Variants in RECK observed in about 807,000 individuals in gnomAD.
RECK encodes reversion-inducing cysteine-rich protein with Kazal motifs.
RECK carries 69 observed loss-of-function variants against 115.1 expected under a neutral mutation model. The ratio of observed to expected loss-of-function variants is 0.60; its 90% CI spans 0.49 to 0.73. The LOEUF (loss-of-function observed/expected upper bound fraction) is 0.73, where lower values mean the gene tolerates loss of function less well. Among genes scored for constraint, RECK ranks in the 30% least tolerant of loss-of-function variants. The pLI, the probability that RECK is intolerant of heterozygous loss-of-function variation, is 0.00. For synonymous variants in RECK, 414 were observed against 419.7 expected, an observed-to-expected ratio of 0.99 and a Z score of 0.17; for missense variants, 1,047 against 1,203.7, an observed-to-expected ratio of 0.87 and a Z score of 1.93.
At chr9:36,101,576 G>A (rs1823567713) in intron 11 of RECK, among the ~76,000 whole-genome samples, 2 of 152,106 alleles carry the variant, frequency 1.3e-5, no homozygotes, top group South Asian at 4.1e-4. Context: ...GCAACAAGAG[G>A]GGAATATGTA....
At chr9:36,052,003 AG>A (rs1821322591) in intron 1 of RECK, among the ~76,000 whole-genome samples, 1 of 152,204 alleles carries the variant, frequency 6.6e-6, no homozygotes, top group African/African-American at 2.4e-5. Context: ...GGACATAGAA[AG>A]CACACACTAA....
In RECK at chr9:36,100,316, C is replaced by G. The variant is rs1324871729; in HGVS notation, c.1086-15C>G. 1 of 1,607,218 alleles carries G rather than the reference C, an allele frequency of 6.2e-7. No homozygotes were observed. The highest frequency in any genetic ancestry group is 8.5e-7 in the Non-Finnish European group (1 of 1,175,064). ...TAATTGCCTCTTGATTCTTTCTGGC[C>G]TTTTTTCTCTTTAGGCCAACAGAAC... is the stretch of plus-strand genomic sequence containing the variant. On this transcript the variant is annotated splice_polypyrimidine_tract_variant and intron_variant, in intron 10 of 20. Coordinates refer to ENST00000377966, the MANE Select transcript of RECK (RefSeq NM_021111.3).
At chr9:36,051,026 G>C (rs746012076) in intron 1 of RECK, among the ~76,000 whole-genome samples, 11 of 151,984 alleles carry the variant, frequency 7.2e-5, no homozygotes, top group Non-Finnish European at 1.5e-4. Context: ...ATATGTATGT[G>C]TATATATACA....
intron 1 of RECK, among the ~76,000 whole-genome samples, chr9:36,042,663 T>C (rs1158125514): frequency 2.1e-5 from 3 of 144,746 alleles, no homozygotes; most frequent in Non-Finnish European, 4.4e-5. Flanking sequence ...GTCTTTTTCA[T>C]ATGACTTCTT....
intron 4 of RECK, among the ~76,000 whole-genome samples, chr9:36,062,868 C>T (rs962495203): frequency 1.3e-5 from 2 of 152,126 alleles, no homozygotes; most frequent in Non-Finnish European, 2.9e-5. Flanking sequence ...GGCGTGGTCG[C>T]TTACACCTGT....
Position 36,123,265 on chromosome 9 carries a change from G to C in RECK, c.*220G>C. 2 of 498,902 alleles carry C rather than the reference G, an allele frequency of 4.0e-6. No homozygotes were observed. The highest frequency in any genetic ancestry group is 3.1e-5 in the South Asian group (1 of 32,560). The allele number at this position is 498,902 out of a possible 1,614,324, so 30.9% of individuals were successfully genotyped here. A position where few individuals can be genotyped will look rare whatever the true frequency, so the allele number is the denominator to read the frequency against. On this transcript the variant is annotated 3_prime_UTR_variant, in exon 21 of 21. Transcript: ENST00000377966. ...GTTGTTCCAAATACTAATGAAAACA[G>C]AATGTCTCTTCCTGGTAGACCACTG...
chr9:36,108,270 G>C (rs867525712), intron 14 of RECK, 106 bp downstream of exon 14: 9 of 794,964 alleles, frequency 1.1e-5, no homozygotes, highest in Non-Finnish European at 1.2e-5. Flanking sequence ...CTGCATATCA[G>C]ATACTCCAGG....
At chr9:36,112,101 C>T (rs766151745) in intron 15 of RECK, among the ~76,000 whole-genome samples, 10 of 122,378 alleles carry the variant, frequency 8.2e-5, no homozygotes, top group South Asian at 2.8e-4. Context: ...CCAGCCTGGG[C>T]GACACAGCGA....
In RECK at chr9:36,094,115, A is replaced by G. The variant is rs1471619998; in HGVS notation, c.1085+2772A>G. Among the ~76,000 whole-genome samples the G allele has an allele frequency of 6.6e-6, 1 of 152,144 alleles. No homozygotes were observed. Among genetic ancestry groups the G allele is most frequent in the Non-Finnish European group, 1.5e-5 (1 of 67,984 alleles). On this transcript the variant is annotated intron_variant, in intron 10 of 20. Coordinates refer to ENST00000377966, the MANE Select transcript of RECK (RefSeq NM_021111.3). This position sits in a 1 kb window ranked among gnomAD's most constrained non-coding sequence, Gnocchi z 4.1. ...AAGAAATTCTTCAGTCTGAAGGAAA[A>G]TGCCACATGAAAACTCAGACCTATA...
intron 1 of RECK, among the ~76,000 whole-genome samples, chr9:36,048,525 C>T (rs1821161955): frequency 6.6e-6 from 1 of 152,110 alleles, no homozygotes; most frequent in Non-Finnish European, 1.5e-5. Context: ...ATAATTTCAA[C>T]TCAAGCCCCC....
chr9:36,094,134 A>AC lies in RECK; in HGVS notation c.1085+2793dup, dbSNP rs1438371967. ...AGGAAAATGCCACATGAAAACTCAG[A>AC]CCTATAGAGCACTGGGATTGGTAAA... On this transcript the variant is annotated intron_variant, in intron 10 of 20. Transcript: ENST00000377966. The surrounding 1 kb of genome is among the most constrained non-coding windows in gnomAD (Gnocchi z 4.1). 6.6e-6 allele frequency among the ~76,000 whole-genome samples: 1 copy of AC among 152,138 alleles called. No individual in the cohort carries two copies. Among genetic ancestry groups the AC allele is most frequent in the Non-Finnish European group, 1.5e-5 (1 of 67,976 alleles).
chr9:36,051,573 C>T (rs186651173), intron 1 of RECK, among the ~76,000 whole-genome samples: 1 of 152,294 alleles, frequency 6.6e-6, no homozygotes, highest in East Asian at 1.9e-4. Context: ...CATGACACTA[C>T]TCCTCCTGTG....
intron 1 of RECK, among the ~76,000 whole-genome samples, chr9:36,048,126 AATATATATATATAT>A (rs56726335): frequency 0.38 from 44,347 of 115,412 alleles, 8,891 homozygotes; most frequent in Middle Eastern, 0.5. Context: ...ACACAGGTTG[AATATATATATATAT>A]ATATATATAT....
In RECK at chr9:36,052,306, C is replaced by A. The variant is rs1262032671; in HGVS notation, c.142C>A (p.Arg48Ser). ...CNHSKDNQMC[R>S]DVCEQIFSSK... ...TCATTCAAAGGATAACCAAATGTGC[C>A]GTGATGTATGTGAACAGGTAAGATT... is the stretch of plus-strand genomic sequence containing the variant. The change falls in exon 2 of 21, where the codon CGT becomes AGT. Residue 48 changes from arginine to serine, a missense_variant. Transcript: ENST00000377966. 2 of 1,608,764 alleles carry A rather than the reference C, an allele frequency of 1.2e-6. No individual in the cohort carries two copies. Among genetic ancestry groups the A allele is most frequent in the Non-Finnish European group, 1.7e-6 (2 of 1,175,520 alleles).
At chr9:36,090,694 G>C (rs1283411009) in intron 9 of RECK, among the ~76,000 whole-genome samples, 1 of 152,122 alleles carries the variant, frequency 6.6e-6, no homozygotes, top group Non-Finnish European at 1.5e-5. Context: ...TAGTTTTTCA[G>C]GGAGAAACTA....
chr9:36,079,425 C>A (rs1170226318), intron 6 of RECK, among the ~76,000 whole-genome samples: 1 of 152,150 alleles, frequency 6.6e-6, no homozygotes, highest in Non-Finnish European at 1.5e-5. Context: ...AGAAAGAATT[C>A]ATACTGGGTG....
chr9:36,104,295 T>C (rs4879954), intron 12 of RECK, among the ~76,000 whole-genome samples: 2,253 of 19,580 alleles, frequency 0.12, 192 homozygotes, highest in East Asian at 0.26. Context: ...TGTGTGTGTA[T>C]ATATATATAT....
At chr9:36,073,104 G>C (rs1419085628) in intron 6 of RECK, among the ~76,000 whole-genome samples, 1 of 151,156 alleles carries the variant, frequency 6.6e-6, no homozygotes, top group Non-Finnish European at 1.5e-5. Flanking sequence ...TGTTCCCTTG[G>C]AACAACAAAC....
chr9:36,089,498 C>T (rs1588315630), intron 9 of RECK, among the ~76,000 whole-genome samples: 1 of 152,174 alleles, frequency 6.6e-6, no homozygotes, highest in Non-Finnish European at 1.5e-5. Flanking sequence ...GATTGACCAC[C>T]CTTAATCCAA....
Sources: allele counts gnomAD v4.1 joint callset (sites outside exome capture counted in the v4.1 genomes callset), GRCh38; gene constraint gnomAD v4.1.1; non-coding constraint Gnocchi (gnomAD v3.1); transcripts MANE v1.5; gene names NCBI Gene and HGNC (gene_info 2026-07-23, HGNC 2026-07-21).